PDE1C: variants seen among roughly 807,000 people sequenced by gnomAD.
PDE1C encodes the protein phosphodiesterase 1C.
In PDE1C, 62 loss-of-function variants were observed where a neutral mutation model predicts 93.1. The observed-to-expected ratio is 0.67, with a 90% CI of 0.54 to 0.82. PDE1C has a LOEUF of 0.82. PDE1C is among the 40% of genes least tolerant of loss of function. The pLI, the probability that PDE1C is intolerant of heterozygous loss-of-function variation, is 0.00. For synonymous variants in PDE1C, 325 were observed against 310.1 expected (o/e 1.05, Z -0.50); for missense variants, 742 against 884.6 (o/e 0.84, Z 2.04).
the PDE1C span, among the ~76,000 whole-genome samples, chr7:31,620,457 A>G: frequency 6.6e-6 from 1 of 151,582 alleles, no homozygotes; most frequent in Non-Finnish European, 1.5e-5. Context: ...TTCACGAAAA[A>G]TACCTGTTCT....
chr7:32,295,314 T>C (rs1251918053), intron 1 of PDE1C, among the ~76,000 whole-genome samples: 1 of 152,214 alleles, frequency 6.6e-6, no homozygotes, highest in Non-Finnish European at 1.5e-5. Flanking sequence ...CAGCATGATG[T>C]GTGGGACAAA....
At chr7:32,408,743 T>C (rs964299233) in intron 1 of PDE1C, among the ~76,000 whole-genome samples, 7 of 151,976 alleles carry the variant, frequency 4.6e-5, no homozygotes, top group African/African-American at 1.7e-4. Context: ...GGGCCAAGAT[T>C]ATGCTGCTGC....
chr7:31,764,830 A>C (rs1280409650), intron 17 of PDE1C, among the ~76,000 whole-genome samples: 1 of 152,242 alleles, frequency 6.6e-6, no homozygotes, highest in Non-Finnish European at 1.5e-5. Context: ...TTAATGAGTG[A>C]ATAAACTACT....
intron 15 of PDE1C, among the ~76,000 whole-genome samples, chr7:31,812,028 GGCTGACGTGA>G (rs2128715794): frequency 6.6e-6 from 1 of 152,240 alleles, no homozygotes; most frequent in Admixed American, 6.5e-5. Flanking sequence ...CTGGAGTAAT[GGCTGACGTGA>G]GCTGTTACTC....
intron 3 of PDE1C, among the ~76,000 whole-genome samples, chr7:32,133,723 T>C (rs1800051211): frequency 6.6e-6 from 1 of 152,152 alleles, no homozygotes; most frequent in South Asian, 2.1e-4. Context: ...TAACAAAATC[T>C]AGAATCTCTG....
At chr7:31,797,019 T>C (rs1785385896) in intron 16 of PDE1C, among the ~76,000 whole-genome samples, 1 of 151,842 alleles carries the variant, frequency 6.6e-6, no homozygotes, top group Non-Finnish European at 1.5e-5. Context: ...TAGATACTTG[T>C]CAAACTACTT....
At chr7:31,991,172 A>G (rs1042122172) in intron 2 of PDE1C, among the ~76,000 whole-genome samples, 4 of 152,236 alleles carry the variant, frequency 2.6e-5, no homozygotes, top group Admixed American at 2.0e-4. Context: ...CTTAATTGGA[A>G]TGTGACATAT....
chr7:32,373,116 C>G (rs1264756945), intron 1 of PDE1C, among the ~76,000 whole-genome samples: 2 of 152,156 alleles, frequency 1.3e-5, no homozygotes, highest in African/African-American at 4.8e-5. Flanking sequence ...TAAGTGTATA[C>G]CCAAGGCAAG....
intron 2 of PDE1C, among the ~76,000 whole-genome samples, chr7:31,909,840 A>G (rs1801013909): frequency 6.6e-6 from 1 of 152,170 alleles, no homozygotes; most frequent in Non-Finnish European, 1.5e-5. Flanking sequence ...GCTGTCTGGC[A>G]CTAAAGCAGG....
intron 2 of PDE1C, among the ~76,000 whole-genome samples, chr7:32,004,763 T>G (rs977454327): frequency 2.6e-5 from 4 of 152,248 alleles, no homozygotes; most frequent in African/African-American, 4.8e-5. Context: ...GTGCTTTTAT[T>G]TCTTATAATA....
At chr7:31,823,013 C>A in intron 14 of PDE1C, 60 bp downstream of exon 14, 1 of 1,405,290 alleles carries the variant, frequency 7.1e-7, no homozygotes, top group Non-Finnish European at 9.6e-7. Context: ...ACACACATAA[C>A]TCAGAGAGGA....
intron 1 of PDE1C, among the ~76,000 whole-genome samples, chr7:32,356,777 C>T (rs1044045725): frequency 1.4e-4 from 21 of 152,144 alleles, no homozygotes; most frequent in African/African-American, 4.6e-4. Flanking sequence ...TTGAATCAGT[C>T]GCATGTGCTT....
chr7:31,685,891 AAAG>A, the PDE1C span, among the ~76,000 whole-genome samples: 1 of 152,122 alleles, frequency 6.6e-6, no homozygotes, highest in African/African-American at 2.4e-5. Flanking sequence ...TGGAACAGGC[AAAG>A]AAGTCCATTC....
intron 1 of PDE1C, among the ~76,000 whole-genome samples, chr7:32,348,154 G>C (rs1783889657): frequency 6.6e-6 from 1 of 152,070 alleles, no homozygotes; most frequent in Non-Finnish European, 1.5e-5. Context: ...GACTTTATGA[G>C]GGAAAGAGGA....
chr7:32,174,152 GGAA>G (rs1802831717), intron 2 of PDE1C, among the ~76,000 whole-genome samples: 1 of 152,088 alleles, frequency 6.6e-6, no homozygotes, highest in Non-Finnish European at 1.5e-5. Context: ...TCTGGTTCTG[GGAA>G]GAAGAACAAG....
At chr7:32,098,766 T>A (rs62457523) in intron 3 of PDE1C, among the ~76,000 whole-genome samples, 23,665 of 152,242 alleles carry the variant, frequency 0.16, 2,412 homozygotes, top group Middle Eastern at 0.22. Context: ...AGTAATTTCC[T>A]CTGGGATCAT....
At chr7:31,774,292 TA>T (rs940423704) in intron 17 of PDE1C, among the ~76,000 whole-genome samples, 5 of 151,804 alleles carry the variant, frequency 3.3e-5, no homozygotes, top group African/African-American at 1.2e-4. Context: ...GAATTAACAC[TA>T]AAAAAACTGT....
At chr7:32,333,645 T>C (rs551723127) in intron 1 of PDE1C, among the ~76,000 whole-genome samples, 9 of 152,304 alleles carry the variant, frequency 5.9e-5, no homozygotes, top group African/African-American at 1.9e-4. Context: ...TCCTCCACAA[T>C]TGATTTAGCC....
chr7:32,095,186 G>A (rs1192826611), intron 3 of PDE1C, among the ~76,000 whole-genome samples: 10 of 152,204 alleles, frequency 6.6e-5, no homozygotes, highest in Admixed American at 3.9e-4. Context: ...AAAAAAAACA[G>A]CCTTGCTTCT....
Sources: gnomAD v4.1 joint callset for allele counts (sites outside exome capture counted in the v4.1 genomes callset) on GRCh38, gnomAD v4.1.1 for gene constraint, MANE v1.5 for transcripts, NCBI Gene and HGNC (gene_info 2026-07-23, HGNC 2026-07-21) for gene names.